The following CMBL variants were observed in gnomAD, a reference collection of about 807,000 sequenced individuals.
CMBL encodes the protein carboxymethylenebutenolidase homolog (Pseudomonas).
A neutral mutation model predicts 28.7 loss-of-function variants in CMBL; 17 were observed. The ratio of observed to expected loss-of-function variants is 0.59; its 90% CI spans 0.41 to 0.89. The LOEUF (loss-of-function observed/expected upper bound fraction) is 0.89. CMBL is among the 40% of genes least tolerant of loss of function. CMBL has a pLI of 0.00. For synonymous variants in CMBL, 106 were observed against 101.6 expected (o/e 1.04, Z -0.26); for missense variants, 310 against 298.5 (o/e 1.04, Z -0.28).
chr5:10,291,217 T>C (rs980220378), intron 1 of CMBL, among the ~76,000 whole-genome samples: 1 of 151,978 alleles, frequency 6.6e-6, no homozygotes, highest in African/African-American at 2.4e-5. Flanking sequence ...AGACGGGAAT[T>C]TGTAAGAGAC....
At position 10,280,376 on chromosome 5, in the gene CMBL, T is replaced by C; in HGVS notation, c.*77A>G. On this transcript the variant is annotated 3_prime_UTR_variant, in exon 6 of 6. Coordinates refer to ENST00000296658, the MANE Select transcript of CMBL (RefSeq NM_138809.4). ...ACACTTATTTTATAAAAGTGAAAAT[T>C]AAATCAAATGATCTAACTATTTCCA... The C allele has an allele frequency of 9.3e-7, 1 of 1,079,280 alleles. No individual in the cohort carries two copies. The highest frequency in any genetic ancestry group is 2.1e-4 in the Middle Eastern group (1 of 4,716). 66.9% of individuals were successfully genotyped at this position (1,079,280 alleles called of 1,614,324 possible). A position where few individuals can be genotyped will look rare whatever the true frequency, so the allele number is the denominator to read the frequency against.
chr5:10,290,486 G>A, intron 2 of CMBL, 62 bp downstream of exon 2: 1 of 1,431,492 alleles, frequency 7.0e-7, no homozygotes, highest in African/African-American at 1.4e-5. Flanking sequence ...TTTTTAAAGG[G>A]AACAAAATAA....
At chr5:10,306,875 C>T (rs1747009467) in intron 1 of CMBL, among the ~76,000 whole-genome samples, 1 of 152,156 alleles carries the variant, frequency 6.6e-6, no homozygotes, top group Non-Finnish European at 1.5e-5. Context: ...TGTTCCTAGG[C>T]CTGGATAGGG....
chr5:10,284,228 G>A (rs1243636715), intron 4 of CMBL, among the ~76,000 whole-genome samples: 1 of 152,232 alleles, frequency 6.6e-6, no homozygotes, highest in African/African-American at 2.4e-5. Flanking sequence ...GCTAAATCGC[G>A]CAAAAGCATG....
chr5:10,305,059 C>T (rs1174814448), intron 1 of CMBL, among the ~76,000 whole-genome samples: 1 of 152,142 alleles, frequency 6.6e-6, no homozygotes, highest in African/African-American at 2.4e-5. Flanking sequence ...ACAGAGTCCT[C>T]GTTACACATG....
intron 1 of CMBL, among the ~76,000 whole-genome samples, chr5:10,302,972 C>G (rs1236775662): frequency 6.6e-6 from 1 of 152,180 alleles, no homozygotes. Context: ...AAGGTCTGAA[C>G]AGAAAACATT....
At position 10,280,531 on chromosome 5, in the gene CMBL, T is replaced by A. The variant is rs760132238; in HGVS notation, c.660A>T (p.Glu220Asp). ...QTHGFVHRKR[E>D]DCSPADKPYI... ...AGGGCTTGTCTGCAGGTGAGCAATC[T>A]TCTCTCTTCCGATGCACGAACCCAT... Residue 220 changes from glutamate to aspartate, a missense_variant, in exon 6 of 6, where the codon GAA becomes GAT. Coordinates refer to ENST00000296658, the MANE Select transcript of CMBL (RefSeq NM_138809.4). The A allele has an allele frequency of 6.2e-7, 1 of 1,613,980 alleles. No homozygotes were observed.
intron 1 of CMBL, among the ~76,000 whole-genome samples, chr5:10,292,564 C>T (rs1054401405): frequency 2.0e-5 from 3 of 152,120 alleles, no homozygotes; most frequent in Non-Finnish European, 2.9e-5. Context: ...GTGGCTCACG[C>T]CTGTAATCCC....
chr5:10,297,840 G>A (rs1479786702), intron 1 of CMBL, among the ~76,000 whole-genome samples: 4 of 152,204 alleles, frequency 2.6e-5, no homozygotes, highest in Admixed American at 6.5e-5. Context: ...GGCTGAGGAC[G>A]TGGACACAGA....
chr5:10,292,852 T>C (rs1349900110), intron 1 of CMBL, among the ~76,000 whole-genome samples: 1 of 134,214 alleles, frequency 7.5e-6, no homozygotes, highest in Non-Finnish European at 1.7e-5. Context: ...AAAATTAAGG[T>C]TCCATCAAAA....
At chr5:10,293,340 G>A (rs1367344182) in intron 1 of CMBL, among the ~76,000 whole-genome samples, 1 of 152,228 alleles carries the variant, frequency 6.6e-6, no homozygotes, top group East Asian at 1.9e-4. Context: ...ACTGGCAGAT[G>A]CAATGTTAGG....
intron 1 of CMBL, among the ~76,000 whole-genome samples, chr5:10,293,667 G>C (rs1355067901): frequency 1.3e-5 from 2 of 152,208 alleles, no homozygotes; most frequent in East Asian, 3.8e-4. Flanking sequence ...TTGCTGGATA[G>C]ATGAATACAT....
chr5:10,288,429 T>C lies in CMBL; in HGVS notation c.316A>G (p.Ile106Val). 1 of 1,613,000 alleles carries C rather than the reference T, an allele frequency of 6.2e-7. No individual in the cohort carries two copies. The highest frequency in any genetic ancestry group is 8.5e-7 in the Non-Finnish European group (1 of 1,179,088). The change falls in exon 3 of 6, where the codon ATC (isoleucine) becomes GTC (valine). Residue 106 changes from isoleucine (I) to valine (V), a missense_variant. Coordinates refer to ENST00000296658, the MANE Select transcript of CMBL (RefSeq NM_138809.4). ...EWLKTRNAQK[I>V]DREISAILKY... ...CGTCTGCGGATAACTCACCTATCGA[T>C]CTTCTGGGCATTTCTTGTTTTCAGC...
At chr5:10,291,397 T>G (rs1746713328) in intron 1 of CMBL, among the ~76,000 whole-genome samples, 1 of 152,092 alleles carries the variant, frequency 6.6e-6, no homozygotes, top group African/African-American at 2.4e-5. Flanking sequence ...GCGCGGTGGC[T>G]CACGCCTGTA....
chr5:10,291,671 AAAAAAAG>A (rs1410645009), intron 1 of CMBL, among the ~76,000 whole-genome samples: 5 of 152,128 alleles, frequency 3.3e-5, no homozygotes, highest in South Asian at 2.1e-4. Context: ...AAAAACAAAA[AAAAAAAG>A]AAAAGAAAAG....
chr5:10,290,264 G>A (rs1746683736), intron 2 of CMBL: 1 of 431,432 alleles, frequency 2.3e-6, no homozygotes, highest in East Asian at 4.7e-5. Flanking sequence ...GCCTGCGTCT[G>A]GCTGAGGCCC....
intron 3 of CMBL, among the ~76,000 whole-genome samples, chr5:10,287,549 C>A (rs900065371): frequency 1.1e-4 from 16 of 152,080 alleles, no homozygotes; most frequent in African/African-American, 3.9e-4. Context: ...GTACACTACT[C>A]GGTGACAGAT....
Position 10,277,884 on chromosome 5 carries a change from G to C in CMBL, c.*2569C>G. Among the ~76,000 whole-genome samples the C allele has an allele frequency of 6.6e-6, 1 of 152,212 alleles. No homozygotes were observed. The highest frequency in any genetic ancestry group is 1.9e-4 in the East Asian group (1 of 5,204). ...CCACACCCTTGGTTCATTCTCGCAC[G>C]AATTTCAGACCTCCCACCTATGTTG... On this transcript the variant is annotated 3_prime_UTR_variant, in exon 6 of 6. Coordinates refer to ENST00000296658, the MANE Select transcript of CMBL (RefSeq NM_138809.4).
chr5:10,307,795 G>C lies in CMBL; in HGVS notation c.-190C>G, dbSNP rs1747025705. ...GCCTCCTGGGAGAGCCAAGCCCGGA[G>C]GGGGCGGAGAGGTGGAGGAGGGAGG... On this transcript the variant is annotated 5_prime_UTR_variant, in exon 1 of 6. Transcript: ENST00000296658. 6.6e-6 allele frequency: 1 copy of C among 152,370 alleles called. No individual in the cohort carries two copies. The highest frequency in any genetic ancestry group is 1.5e-5 in the Non-Finnish European group (1 of 68,154). 9.4% of individuals were successfully genotyped at this position (152,370 alleles called of 1,614,324 possible). A position where few individuals can be genotyped will look rare whatever the true frequency, so the allele number is the denominator to read the frequency against.
Sources: allele counts gnomAD v4.1 joint callset (sites outside exome capture counted in the v4.1 genomes callset), GRCh38; gene constraint gnomAD v4.1.1; transcripts MANE v1.5; gene names NCBI Gene and HGNC (gene_info 2026-07-23, HGNC 2026-07-21).